Variants in TAS2R1 observed in about 807,000 individuals in gnomAD.
TAS2R1 encodes the protein taste receptor type 2 member 1.
For missense variants in TAS2R1, 370 were observed against 353.4 expected (o/e 1.05, Z -0.38); for synonymous variants, 141 against 134.2 (o/e 1.05, Z -0.35).
chr5:9,740,487 C>T, the TAS2R1 span, among the ~76,000 whole-genome samples: 1 of 151,528 alleles, frequency 6.6e-6, no homozygotes, highest in African/African-American at 2.4e-5. Context: ...CACGCACTTC[C>T]CTCAGAATTT....
intron 1 of TAS2R1, among the ~76,000 whole-genome samples, chr5:9,705,624 T>C (rs577639017): frequency 3.3e-5 from 5 of 152,214 alleles, no homozygotes; most frequent in African/African-American, 9.6e-5. Context: ...TTTGGAAGGC[T>C]GAGGTGGGCA....
chr5:9,770,568 T>C, the TAS2R1 span, among the ~76,000 whole-genome samples: 43 of 152,326 alleles, frequency 2.8e-4, no homozygotes, highest in African/African-American at 9.4e-4. Flanking sequence ...TTTACACTTT[T>C]TGTGTGTCCT....
At chr5:9,689,773 G>T (rs1054840066) in intron 1 of TAS2R1, among the ~76,000 whole-genome samples, 2 of 151,988 alleles carry the variant, frequency 1.3e-5, no homozygotes, top group African/African-American at 4.8e-5. Flanking sequence ...TATAATTTAT[G>T]AAACATCAAA....
At chr5:9,841,316 T>G in the TAS2R1 span, among the ~76,000 whole-genome samples, 1 of 152,210 alleles carries the variant, frequency 6.6e-6, no homozygotes, top group African/African-American at 2.4e-5. Flanking sequence ...CCTTTCATCT[T>G]CTCCTTCTAG....
At chr5:9,806,163 T>C in the TAS2R1 span, among the ~76,000 whole-genome samples, 46 of 151,354 alleles carry the variant, frequency 3.0e-4, no homozygotes, top group Non-Finnish European at 5.6e-4. Flanking sequence ...GCAAAAAAAA[T>C]AAAATAAAAT....
chr5:9,637,737 C>T (rs1739991809), intron 2 of TAS2R1, among the ~76,000 whole-genome samples: 1 of 152,020 alleles, frequency 6.6e-6, no homozygotes, highest in Non-Finnish European at 1.5e-5. Flanking sequence ...TTTTCCAGTG[C>T]ATTTTGTATT....
intron 1 of TAS2R1, among the ~76,000 whole-genome samples, chr5:9,709,854 G>C (rs543970281): frequency 8.5e-5 from 13 of 152,306 alleles, no homozygotes; most frequent in African/African-American, 2.6e-4. Context: ...GAGATAATAA[G>C]TGTTTGTTAT....
chr5:9,902,376 G>C, the TAS2R1 span, among the ~76,000 whole-genome samples: 2 of 151,984 alleles, frequency 1.3e-5, no homozygotes, highest in African/African-American at 4.8e-5. Context: ...CAGAATCCCT[G>C]TAGAGCACAT....
chr5:9,677,294 C>A (rs1740895691), intron 1 of TAS2R1, among the ~76,000 whole-genome samples: 1 of 151,982 alleles, frequency 6.6e-6, no homozygotes, highest in Non-Finnish European at 1.5e-5. Flanking sequence ...TCAGGAAAAA[C>A]AACTAAGGGG....
At chr5:9,882,496 G>C in the TAS2R1 span, among the ~76,000 whole-genome samples, 11 of 152,106 alleles carry the variant, frequency 7.2e-5, no homozygotes, top group African/African-American at 2.7e-4. Context: ...CATGGTGGCA[G>C]GTGCCTGTAA....
chr5:9,870,793 A>G, the TAS2R1 span, among the ~76,000 whole-genome samples: 2 of 152,212 alleles, frequency 1.3e-5, no homozygotes, highest in Non-Finnish European at 2.9e-5. Context: ...GGTGTTCTCC[A>G]TATGGATAGG....
chr5:9,729,408 C>T, the TAS2R1 span, among the ~76,000 whole-genome samples: 15 of 152,224 alleles, frequency 9.9e-5, no homozygotes, highest in South Asian at 1.9e-3. Flanking sequence ...CACTGCTGCT[C>T]GTGGCTCTTT....
chr5:9,750,013 A>G, the TAS2R1 span, among the ~76,000 whole-genome samples: 6 of 152,140 alleles, frequency 3.9e-5, no homozygotes, highest in Admixed American at 3.3e-4. Flanking sequence ...TTTTGGTTGC[A>G]GGAGGCAGAT....
chr5:9,850,124 G>A, the TAS2R1 span, among the ~76,000 whole-genome samples: 1 of 152,008 alleles, frequency 6.6e-6, no homozygotes, highest in Non-Finnish European at 1.5e-5. Context: ...TCAAAGCGCA[G>A]CCCAAACACC....
intron 1 of TAS2R1, among the ~76,000 whole-genome samples, chr5:9,663,661 G>A (rs1740577873): frequency 6.6e-6 from 1 of 152,174 alleles, no homozygotes; most frequent in African/African-American, 2.4e-5. Context: ...TTCTCAAAAA[G>A]TTTTAGGTAG....
At chr5:9,769,720 A>G in the TAS2R1 span, among the ~76,000 whole-genome samples, 84 of 152,294 alleles carry the variant, frequency 5.5e-4, no homozygotes, top group African/African-American at 1.8e-3. Context: ...TCTTTTGAGA[A>G]ATATCTATTT....
chr5:9,865,913 C>T, the TAS2R1 span, among the ~76,000 whole-genome samples: 2 of 152,278 alleles, frequency 1.3e-5, no homozygotes, highest in East Asian at 3.9e-4. Flanking sequence ...GGCTCATAGG[C>T]CATGATTTTG....
At chr5:9,689,978 A>G (rs571877103) in intron 1 of TAS2R1, among the ~76,000 whole-genome samples, 5 of 152,222 alleles carry the variant, frequency 3.3e-5, no homozygotes, top group African/African-American at 4.8e-5. Flanking sequence ...GTTTGCATAA[A>G]TAAGTTGATG....
chr5:9,756,558 ATAC>A, the TAS2R1 span, among the ~76,000 whole-genome samples: 3 of 152,196 alleles, frequency 2.0e-5, no homozygotes, highest in Non-Finnish European at 4.4e-5. Flanking sequence ...GGCTCTTGCA[ATAC>A]TGTTGGGCTA....
Sources: allele counts gnomAD v4.1 joint callset (sites outside exome capture counted in the v4.1 genomes callset), GRCh38; gene constraint gnomAD v4.1.1; transcripts MANE v1.5; gene names NCBI Gene and HGNC (gene_info 2026-07-23, HGNC 2026-07-21).